Variants in SCNN1B observed in about 807,000 individuals in gnomAD.
The protein encoded by SCNN1B is epithelial sodium channel subunit beta.
SCNN1B carries 46 observed loss-of-function variants against 65.3 expected under a neutral mutation model. The observed-to-expected ratio is 0.70, with a 90% CI of 0.56 to 0.90. The LOEUF (loss-of-function observed/expected upper bound fraction) is 0.90. SCNN1B is among the 40% of genes least tolerant of loss of function. The pLI, the probability that SCNN1B is intolerant of heterozygous loss-of-function variation, is 0.00. For synonymous variants in SCNN1B, 349 were observed against 330.6 expected (o/e 1.06, Z -0.60); for missense variants, 751 against 830.5 (o/e 0.90, Z 1.18).
chr16:23,366,473 C>G (rs1383685236), intron 4 of SCNN1B, among the ~76,000 whole-genome samples: 1 of 152,098 alleles, frequency 6.6e-6, no homozygotes, highest in Non-Finnish European at 1.5e-5. Flanking sequence ...GTGGCTCACG[C>G]CTGTAATCGC....
At chr16:23,374,171 C>G (rs1021930739) in intron 7 of SCNN1B, among the ~76,000 whole-genome samples, 1 of 145,024 alleles carries the variant, frequency 6.9e-6, no homozygotes, top group Non-Finnish European at 1.5e-5. Flanking sequence ...GAGGCTGAGG[C>G]GGGAGGATCA....
chr16:23,291,807 C>T lies in SCNN1B; in HGVS notation n.178+8003C>T, dbSNP rs530268444. Among the ~76,000 whole-genome samples the T allele has an allele frequency of 1.6e-3, 240 of 151,318 alleles. 1 individual carries two copies. Among genetic ancestry groups the T allele is most frequent in the African/African-American group, 5.4e-3 (224 of 41,172 alleles). On this transcript the variant is annotated intron_variant and non_coding_transcript_variant, in intron 2 of 3. Coordinates refer to the SCNN1B transcript ENST00000569789. ...TGTTGCCCAGGCTGGTCTCCAACTC[C>T]TGGACTCAAGCCATCCTCCCACCTC...
intron 11 of SCNN1B, among the ~76,000 whole-genome samples, chr16:23,379,824 G>A (rs903751919): frequency 2.6e-5 from 4 of 152,192 alleles, no homozygotes; most frequent in Non-Finnish European, 2.9e-5. Flanking sequence ...GCCCAGAAGG[G>A]CCGGGAAGGG....
At chr16:23,356,658 G>T (rs116620316) in intron 4 of SCNN1B, among the ~76,000 whole-genome samples, 1,769 of 152,002 alleles carry the variant, frequency 0.012, 28 homozygotes, top group African/African-American at 0.039. Flanking sequence ...AAAAACACGA[G>T]GTTATAAAAG....
In SCNN1B at chr16:23,375,723, C is replaced by T. The variant is rs1460688913; in HGVS notation, c.1153-15C>T. The T allele has an allele frequency of 3.2e-6, 5 of 1,582,582 alleles. No individual in the cohort carries two copies. Among genetic ancestry groups the T allele is most frequent in the Admixed American group, 3.3e-5 (2 of 59,974 alleles). ...TGCCTGTGTTCTCTCCTTATGAACC[C>T]CCTACCCTCCCCAGGCCTGTCTTCG... On this transcript the variant is annotated splice_polypyrimidine_tract_variant and intron_variant, in intron 7 of 12. Coordinates refer to ENST00000343070, the MANE Select transcript of SCNN1B (RefSeq NM_000336.3).
At chr16:23,297,709 T>G (rs573479094), upstream of SCNN1B, among the ~76,000 whole-genome samples, 81 of 152,188 alleles carry the variant, frequency 5.3e-4, 1 homozygote, top group Non-Finnish European at 9.8e-4. Flanking sequence ...ATCCCATATA[T>G]GAACAAATTA....
intron 1 of SCNN1B, among the ~76,000 whole-genome samples, chr16:23,281,483 T>C (rs1051057724): frequency 6.6e-6 from 1 of 152,254 alleles, no homozygotes; most frequent in Non-Finnish European, 1.5e-5. Context: ...CTCTGGTACA[T>C]AACAGCTGTT....
intron 2 of SCNN1B, among the ~76,000 whole-genome samples, chr16:23,291,721 C>T (rs1376654369): frequency 6.7e-6 from 1 of 150,284 alleles, no homozygotes; most frequent in Non-Finnish European, 1.5e-5. Context: ...ACCACAGGCA[C>T]GCACCACCAC....
upstream of SCNN1B, among the ~76,000 whole-genome samples, chr16:23,297,692 G>C (rs1318466360): frequency 6.6e-6 from 1 of 152,096 alleles, no homozygotes; most frequent in Non-Finnish European, 1.5e-5. Flanking sequence ...AATCTGACTT[G>C]GGTCATATCC....
chr16:23,348,821 C>T lies in SCNN1B; in HGVS notation c.222C>T (p.Tyr74=), dbSNP rs759937988. 1.2e-5 allele frequency: 19 copies of T among 1,614,072 alleles called. No individual in the cohort carries two copies. Among genetic ancestry groups the T allele is most frequent in the Admixed American group, 6.7e-5 (4 of 59,998 alleles). Residue 74 remains tyrosine, a synonymous_variant, in exon 2 of 13, where the codon TAC becomes TAT. Transcript: ENST00000343070. This position sits in a 1 kb window ranked among gnomAD's most constrained non-coding sequence, Gnocchi z 4.5. ...CWQWGIFIRT[Y]LSWEVSVSLS... is the part of the protein sequence containing the mutation. ...AGTGGGGCATCTTCATCAGGACCTA[C>T]TTGAGCTGGGAGGTCAGCGTCTCCC...
At chr16:23,336,934 T>A (rs1961955114) in intron 1 of SCNN1B, among the ~76,000 whole-genome samples, 1 of 152,178 alleles carries the variant, frequency 6.6e-6, no homozygotes, top group African/African-American at 2.4e-5. Flanking sequence ...GCAAAAGTGG[T>A]ATACAAATGA....
At chr16:23,280,126 G>A (rs1960763755) in intron 1 of SCNN1B, among the ~76,000 whole-genome samples, 2 of 152,046 alleles carry the variant, frequency 1.3e-5, no homozygotes, top group Non-Finnish European at 2.9e-5. Flanking sequence ...AGTCCTTTCC[G>A]TGTGCCCAGC....
At chr16:23,319,233 G>C (rs1002617362) in intron 1 of SCNN1B, among the ~76,000 whole-genome samples, 1 of 152,034 alleles carries the variant, frequency 6.6e-6, no homozygotes, top group African/African-American at 2.4e-5. Context: ...GTGGAGACAG[G>C]GTTTCACCGT....
intron 11 of SCNN1B, 42 bp downstream of exon 11, chr16:23,378,809 G>A: frequency 6.3e-7 from 1 of 1,592,840 alleles, no homozygotes; most frequent in Non-Finnish European, 8.6e-7. Flanking sequence ...ACAGGGAAGG[G>A]GTCCAGAAAC....
At chr16:23,311,997 G>C (rs1274558622) in intron 1 of SCNN1B, among the ~76,000 whole-genome samples, 4 of 152,104 alleles carry the variant, frequency 2.6e-5, no homozygotes, top group Non-Finnish European at 4.4e-5. Flanking sequence ...AGCAGAGGCT[G>C]ATGTAGGGAG....
chr16:23,290,160 T>C (rs1230209088), intron 2 of SCNN1B, among the ~76,000 whole-genome samples: 1 of 152,144 alleles, frequency 6.6e-6, no homozygotes, highest in Non-Finnish European at 1.5e-5. Flanking sequence ...TGGGCTATTG[T>C]GAGGATTAAG....
chr16:23,334,095 C>T (rs1431795670), intron 1 of SCNN1B, among the ~76,000 whole-genome samples: 1 of 152,174 alleles, frequency 6.6e-6, no homozygotes, highest in East Asian at 1.9e-4. Context: ...GCCATTGCCA[C>T]ACCATGGAAT....
chr16:23,324,846 G>A (rs923207525), intron 1 of SCNN1B, among the ~76,000 whole-genome samples: 16 of 152,206 alleles, frequency 1.1e-4, no homozygotes, highest in African/African-American at 3.6e-4. Flanking sequence ...TCCTGGGCAA[G>A]TGGCCACTTC....
chr16:23,291,475 AGTGTGTGT>A (rs71858801), intron 2 of SCNN1B, among the ~76,000 whole-genome samples: 12 of 145,556 alleles, frequency 8.2e-5, no homozygotes, highest in Non-Finnish European at 1.2e-4. Flanking sequence ...TGTGTGTGTA[AGTGTGTGT>A]GTGTGTGTGT....
Sources: gnomAD v4.1 joint callset for allele counts (sites outside exome capture counted in the v4.1 genomes callset) on GRCh38, gnomAD v4.1.1 for gene constraint, Gnocchi (gnomAD v3.1) non-coding constraint, MANE v1.5 for transcripts, NCBI Gene and HGNC (gene_info 2026-07-23, HGNC 2026-07-21) for gene names.